PSMB7: variants seen among roughly 807,000 people sequenced by gnomAD.
PSMB7 encodes proteasome subunit beta type-7.
Under a neutral mutation model 28.1 loss-of-function variants are expected in PSMB7, and 5 were observed. The ratio of observed to expected loss-of-function variants is 0.18; its 90% CI spans 0.09 to 0.37. The LOEUF (loss-of-function observed/expected upper bound fraction) is 0.37, where lower values mean the gene tolerates loss of function less well. PSMB7 is among the 10% of genes least tolerant of loss of function. The pLI, the probability that PSMB7 is intolerant of heterozygous loss-of-function variation, is 1.00. For missense variants in PSMB7, 275 were observed against 346.2 expected (o/e 0.79, Z 1.63); for synonymous variants, 122 against 123.7 (o/e 0.99, Z 0.09).
intron 6 of PSMB7, among the ~76,000 whole-genome samples, chr9:124,365,381 T>A (rs1445618622): frequency 3.3e-5 from 5 of 151,852 alleles, no homozygotes; most frequent in Admixed American, 6.6e-5. Flanking sequence ...GGTAGCCAAG[T>A]CAAAGGGCAG....
chr9:124,368,842 T>C (rs1275154844), intron 6 of PSMB7, among the ~76,000 whole-genome samples: 1 of 152,118 alleles, frequency 6.6e-6, no homozygotes, highest in Non-Finnish European at 1.5e-5. Flanking sequence ...TTCATGAGAG[T>C]GAGTTTTACA....
In PSMB7 at chr9:124,356,940, A is replaced by G; in HGVS notation, c.571-25T>C. The G allele has an allele frequency of 6.2e-7, 1 of 1,613,534 alleles. No homozygotes were observed. The highest frequency in any genetic ancestry group is 8.5e-7 in the Non-Finnish European group (1 of 1,179,572). On this transcript the variant is annotated intron_variant, in intron 6 of 7. Coordinates refer to ENST00000259457, the MANE Select transcript of PSMB7 (RefSeq NM_002799.4). The surrounding 1 kb of genome is among the most constrained non-coding windows in gnomAD (Gnocchi z 4.4). ...CCTGAGAAACAGAACGGCGGCAATA[A>G]TGTCCCCGGCCAAACTAGGGCCTGC...
At chr9:124,410,448 C>T (rs2131181367) in intron 4 of PSMB7, among the ~76,000 whole-genome samples, 1 of 152,216 alleles carries the variant, frequency 6.6e-6, no homozygotes, top group South Asian at 2.1e-4. Context: ...TACATAGACA[C>T]ATCGTGTAGA....
intron 6 of PSMB7, among the ~76,000 whole-genome samples, chr9:124,375,010 G>A (rs542088767): frequency 4.0e-5 from 6 of 151,366 alleles, no homozygotes; most frequent in African/African-American, 9.7e-5. Context: ...GCATGGTGGC[G>A]CACACCTGTA....
chr9:124,402,006 G>A (rs896723177), intron 5 of PSMB7, among the ~76,000 whole-genome samples: 25 of 142,138 alleles, frequency 1.8e-4, no homozygotes, highest in African/African-American at 6.0e-4. Context: ...GTGACAGTGC[G>A]AGACTCAGTC....
At chr9:124,408,862 C>T (rs1272666847) in intron 4 of PSMB7, among the ~76,000 whole-genome samples, 3 of 152,088 alleles carry the variant, frequency 2.0e-5, no homozygotes, top group South Asian at 2.1e-4. Context: ...CTAGTGTCTA[C>T]GTTTTTTACA....
chr9:124,414,047 G>A (rs1164684302), intron 2 of PSMB7, 42 bp from the exon 3 acceptor site: 6 of 1,303,276 alleles, frequency 4.6e-6, no homozygotes, highest in Non-Finnish European at 3.3e-6. Flanking sequence ...ACAAATATAA[G>A]CCAACCGCAA....
At chr9:124,387,889 T>TAA (rs758533851) in intron 5 of PSMB7, among the ~76,000 whole-genome samples, 5 of 140,658 alleles carry the variant, frequency 3.6e-5, no homozygotes, top group Admixed American at 7.1e-5. Flanking sequence ...GTTGGCCATT[T>TAA]AAAAAAAAAA....
intron 6 of PSMB7, chr9:124,384,025 A>T (rs1338395868): frequency 6.6e-6 from 1 of 152,126 alleles, no homozygotes; most frequent in African/African-American, 2.4e-5. Context: ...CATTCAGAAG[A>T]TACCACCTTC....
At chr9:124,377,238 G>C (rs1830621239) in intron 6 of PSMB7, among the ~76,000 whole-genome samples, 1 of 152,164 alleles carries the variant, frequency 6.6e-6, no homozygotes, top group African/African-American at 2.4e-5. Flanking sequence ...GCACAGACAA[G>C]GATGCCCCTC....
intron 5 of PSMB7, among the ~76,000 whole-genome samples, chr9:124,386,231 A>G (rs1415822248): frequency 6.6e-6 from 1 of 152,192 alleles, no homozygotes; most frequent in Non-Finnish European, 1.5e-5. Context: ...CAGATATAAA[A>G]CTAGTAAACT....
intron 6 of PSMB7, among the ~76,000 whole-genome samples, chr9:124,358,786 T>C (rs1564674739): frequency 6.6e-6 from 1 of 152,256 alleles, no homozygotes. Flanking sequence ...AACTGTCTCC[T>C]CTGCTTTGTT....
intron 6 of PSMB7, among the ~76,000 whole-genome samples, chr9:124,362,153 T>C (rs1564675573): frequency 6.6e-6 from 1 of 152,272 alleles, no homozygotes; most frequent in Non-Finnish European, 1.5e-5. Flanking sequence ...TGAAAGTTCA[T>C]GTATATGGCA....
chr9:124,363,376 AAG>A (rs935704681), intron 6 of PSMB7, among the ~76,000 whole-genome samples: 2 of 151,368 alleles, frequency 1.3e-5, no homozygotes, highest in African/African-American at 4.8e-5. Context: ...ATACAATTGA[AAG>A]AGCTCAAAAA....
intron 5 of PSMB7, among the ~76,000 whole-genome samples, chr9:124,387,398 A>C (rs1055392119): frequency 6.6e-6 from 1 of 152,226 alleles, no homozygotes; most frequent in Non-Finnish European, 1.5e-5. Flanking sequence ...ATTATCAGAC[A>C]GGCATATAAG....
chr9:124,375,299 T>C (rs974200450), intron 6 of PSMB7, among the ~76,000 whole-genome samples: 10 of 152,242 alleles, frequency 6.6e-5, no homozygotes, highest in Non-Finnish European at 1.3e-4. Context: ...TAGCTGAGAC[T>C]ACAGGGATGT....
intron 6 of PSMB7, among the ~76,000 whole-genome samples, chr9:124,377,682 T>C (rs1419880258): frequency 2.0e-5 from 3 of 152,214 alleles, no homozygotes; most frequent in Non-Finnish European, 4.4e-5. Flanking sequence ...CTCACATCTT[T>C]AGCAATCTAT....
intron 7 of PSMB7, among the ~76,000 whole-genome samples, chr9:124,354,520 C>T (rs1433880040): frequency 3.3e-5 from 5 of 152,148 alleles, no homozygotes; most frequent in Admixed American, 2.0e-4. Context: ...CCTTGTGCTC[C>T]CGGAACACCC....
At chr9:124,407,749 G>C (rs1296139311) in intron 4 of PSMB7, among the ~76,000 whole-genome samples, 1 of 152,116 alleles carries the variant, frequency 6.6e-6, no homozygotes, top group Non-Finnish European at 1.5e-5. Flanking sequence ...AATGCACAAG[G>C]ATGTTTACAA....
Sources: allele counts gnomAD v4.1 joint callset (sites outside exome capture counted in the v4.1 genomes callset), GRCh38; gene constraint gnomAD v4.1.1; non-coding constraint Gnocchi (gnomAD v3.1); transcripts MANE v1.5; gene names NCBI Gene and HGNC (gene_info 2026-07-23, HGNC 2026-07-21).